Variants in FAF1 observed in about 807,000 individuals in gnomAD.
FAF1 encodes the protein Fas associated factor 1, also known as FAS-associated factor 1.
A neutral mutation model predicts 92.5 loss-of-function variants in FAF1; 25 were observed. The observed-to-expected ratio is 0.27, with a 90% CI of 0.20 to 0.38. The LOEUF (loss-of-function observed/expected upper bound fraction) is 0.38, where lower values mean the gene tolerates loss of function less well. Ranked by LOEUF, FAF1 falls within the 10% of genes least tolerant of loss-of-function variation. The pLI is 1.00. For synonymous variants in FAF1, 234 were observed against 273.2 expected (o/e 0.86, Z 1.42); for missense variants, 636 against 793.3 (o/e 0.80, Z 2.38).
intron 3 of FAF1, among the ~76,000 whole-genome samples, chr1:50,795,842 G>C (rs569812769): frequency 6.6e-6 from 1 of 152,086 alleles, no homozygotes; most frequent in Non-Finnish European, 1.5e-5. Flanking sequence ...TTACCACCTA[G>C]GGAAGGAGTA....
chr1:50,469,086 T>A (rs151244485), intron 18 of FAF1, among the ~76,000 whole-genome samples: 5 of 152,322 alleles, frequency 3.3e-5, no homozygotes, highest in African/African-American at 1.2e-4. Context: ...TTTAAACCTT[T>A]TGCTATTTAC....
At chr1:50,498,769 G>C (rs1646940399) in intron 15 of FAF1, among the ~76,000 whole-genome samples, 1 of 151,518 alleles carries the variant, frequency 6.6e-6, no homozygotes, top group Non-Finnish European at 1.5e-5. Flanking sequence ...AGAATTGCTT[G>C]AACTCGGGAG....
chr1:50,786,300 A>G (rs1329516587), intron 4 of FAF1, among the ~76,000 whole-genome samples: 2 of 152,248 alleles, frequency 1.3e-5, no homozygotes, highest in Non-Finnish European at 2.9e-5. Context: ...ATCCTGCTAT[A>G]TGCTACAACA....
intron 14 of FAF1, among the ~76,000 whole-genome samples, chr1:50,536,962 G>T (rs950866433): frequency 5.9e-5 from 9 of 152,034 alleles, no homozygotes; most frequent in African/African-American, 2.2e-4. Context: ...AAGAAGTTTA[G>T]GAGCACCTTC....
At chr1:50,581,883 T>C (rs561753171) in intron 12 of FAF1, among the ~76,000 whole-genome samples, 6 of 152,194 alleles carry the variant, frequency 3.9e-5, no homozygotes, top group African/African-American at 1.4e-4. Context: ...GCTACATAGA[T>C]AGGCAGGAGC....
intron 1 of FAF1, among the ~76,000 whole-genome samples, chr1:50,904,285 C>T (rs1644818364): frequency 6.6e-6 from 1 of 152,084 alleles, no homozygotes; most frequent in African/African-American, 2.4e-5. Flanking sequence ...CTGTATGATT[C>T]TACTTATATG....
In FAF1 at chr1:50,772,593, A is replaced by T. The variant is rs186265632; in HGVS notation, c.367+15407T>A. Reference sequence around the variant, plus strand: ...AGGGCATTATTCTAAACGAACTAACACAGGAACAGAAAACCAAATATTGCA... The same window carrying T: ...AGGGCATTATTCTAAACGAACTAACTCAGGAACAGAAAACCAAATATTGCA... On this transcript the variant is annotated intron_variant, in intron 4 of 18. Transcript: ENST00000396153. Among the ~76,000 whole-genome samples the T allele has an allele frequency of 5.3e-5, 8 of 152,314 alleles. No individual in the cohort carries two copies. In the East Asian group the frequency reaches 1.4e-3, roughly 26 times the overall value.
At chr1:50,822,774 C>CTTTCTTTCT (rs1553143377) in intron 2 of FAF1, among the ~76,000 whole-genome samples, 1 of 125,234 alleles carries the variant, frequency 8.0e-6, no homozygotes, top group African/African-American at 3.2e-5. Flanking sequence ...TTCTTTCTTT[C>CTTTCTTTCT]TTTTTTTTTT....
chr1:50,874,758 CTTTTTT>C (rs755424291), intron 1 of FAF1, among the ~76,000 whole-genome samples: 6 of 67,252 alleles, frequency 8.9e-5, no homozygotes, highest in African/African-American at 2.5e-4. Context: ...TCTTTTCTTT[CTTTTTT>C]TTTTTTTTTT....
chr1:50,441,570 T>C (rs1646166762), intron 18 of FAF1, 47 bp from the exon 19 acceptor site: 3 of 1,147,204 alleles, frequency 2.6e-6, no homozygotes, highest in Non-Finnish European at 3.8e-6. Context: ...ACAAGCACTA[T>C]ATTCTCTACA....
At chr1:50,556,147 A>G (rs985489573) in intron 13 of FAF1, among the ~76,000 whole-genome samples, 2 of 149,212 alleles carry the variant, frequency 1.3e-5, no homozygotes, top group Admixed American at 1.3e-4. Flanking sequence ...CTGAGGCAGG[A>G]GACTGGCGTG....
Position 50,535,231 on chromosome 1 carries a change from A to G in FAF1, c.1494+138T>C, listed in dbSNP as rs1214870523. 18 of 601,404 alleles carry G rather than the reference A, an allele frequency of 3.0e-5. No individual in the cohort carries two copies. The Admixed American group carries it at 5.1e-4, about 17-fold the overall frequency. The allele number at this position is 601,404 out of a possible 1,614,324, so 37.3% of individuals were successfully genotyped here. A position where few individuals can be genotyped will look rare whatever the true frequency, so the allele number is the denominator to read the frequency against. On this transcript the variant is annotated intron_variant, in intron 15 of 18. Coordinates refer to ENST00000396153, the MANE Select transcript of FAF1 (RefSeq NM_007051.3). ...ACTGAAAGGTAAACTCCATAGCATA[A>G]AAACCCTTGGTAAATTTGGAAATGC...
rs576448210 is a variant in FAF1, at chr1:50,750,446, T to G, written c.368-5671A>C. ...GTTTAGCCAAATATATACAGTGTTATAACCACCATACAATCAAGATAAGAA... is the reference window on the plus strand; with the variant it reads ...GTTTAGCCAAATATATACAGTGTTAGAACCACCATACAATCAAGATAAGAA... On this transcript the variant is annotated intron_variant, in intron 4 of 18. Coordinates refer to ENST00000396153, the MANE Select transcript of FAF1 (RefSeq NM_007051.3). 2.0e-5 allele frequency among the ~76,000 whole-genome samples: 3 copies of G among 152,260 alleles called. No individual in the cohort carries two copies. In the South Asian group the frequency reaches 6.2e-4, roughly 32 times the overall value.
chr1:50,953,521 T>C (rs1048756021), intron 1 of FAF1, among the ~76,000 whole-genome samples: 1 of 152,114 alleles, frequency 6.6e-6, no homozygotes, highest in Non-Finnish European at 1.5e-5. Flanking sequence ...GTGGATCAAC[T>C]GAGGTCAGGA....
chr1:50,935,176 G>A (rs755858240), intron 1 of FAF1, among the ~76,000 whole-genome samples: 6 of 152,118 alleles, frequency 3.9e-5, no homozygotes, highest in Non-Finnish European at 8.8e-5. Flanking sequence ...TTCAAAAGGA[G>A]AGAAAAACAA....
intron 18 of FAF1, among the ~76,000 whole-genome samples, chr1:50,470,282 A>T (rs1397671749): frequency 6.6e-6 from 1 of 152,218 alleles, no homozygotes; most frequent in African/African-American, 2.4e-5. Context: ...TAATTTATTA[A>T]CAGTTTTTAA....
chr1:50,688,168 T>TA (rs1312373897), intron 7 of FAF1, among the ~76,000 whole-genome samples: 2 of 150,878 alleles, frequency 1.3e-5, no homozygotes, highest in African/African-American at 2.4e-5. Context: ...AAAATAAAAA[T>TA]AAAATAAAAT....
At chr1:50,481,234 A>T (rs976385130) in intron 17 of FAF1, among the ~76,000 whole-genome samples, 22 of 152,242 alleles carry the variant, frequency 1.4e-4, no homozygotes, top group Non-Finnish European at 1.8e-4. Context: ...CTAAGTGTAC[A>T]GTGATTATAA....
At chr1:50,620,196 C>G (rs888344034) in intron 8 of FAF1, among the ~76,000 whole-genome samples, 2 of 152,168 alleles carry the variant, frequency 1.3e-5, no homozygotes, top group Non-Finnish European at 1.5e-5. Flanking sequence ...CGTGAGCCAC[C>G]GTGTCCAGCC....
Sources: gnomAD v4.1 joint callset for allele counts (sites outside exome capture counted in the v4.1 genomes callset) on GRCh38, gnomAD v4.1.1 for gene constraint, MANE v1.5 for transcripts, NCBI Gene and HGNC (gene_info 2026-07-23, HGNC 2026-07-21) for gene names.